Variants in TCFL5 observed in about 807,000 individuals in gnomAD.
TCFL5 encodes the protein transcription factor like 5.
Under a neutral mutation model 44.3 loss-of-function variants are expected in TCFL5, and 9 were observed. That is an observed-to-expected ratio of 0.20 (90% CI 0.12 to 0.35). The LOEUF is 0.35. Among genes scored for constraint, TCFL5 ranks in the 10% least tolerant of loss-of-function variants. The pLI is 1.00. For missense variants in TCFL5, 603 were observed against 613.4 expected (o/e 0.98, Z 0.18); for synonymous variants, 319 against 271.6 (o/e 1.17, Z -1.72).
At chr20:62,846,151 A>C (rs1314410811) in intron 5 of TCFL5, 15 of 1,210,750 alleles carry the variant, frequency 1.2e-5, no homozygotes, top group Non-Finnish European at 1.5e-5. Context: ...TATCCATCTA[A>C]ATTTAAAAGA....
At chr20:62,845,935 C>T (rs1410015208) in intron 5 of TCFL5, 2 of 1,485,302 alleles carry the variant, frequency 1.3e-6, no homozygotes, top group Non-Finnish European at 1.8e-6. Flanking sequence ...GAATCCGAAC[C>T]CTGAACAGCT....
At chr20:62,849,387 A>C (rs968588397) in intron 5 of TCFL5, among the ~76,000 whole-genome samples, 2 of 152,210 alleles carry the variant, frequency 1.3e-5, no homozygotes, top group African/African-American at 4.8e-5. Flanking sequence ...GAGCCATCTA[A>C]ACCCAGAATG....
At chr20:62,847,962 CA>C (rs1191799872) in intron 5 of TCFL5, among the ~76,000 whole-genome samples, 1 of 151,636 alleles carries the variant, frequency 6.6e-6, no homozygotes, top group African/African-American at 2.4e-5. Context: ...GAGGTACAGA[CA>C]AGCGCCGGGC....
chr20:62,858,359 G>A (rs2063928450), intron 3 of TCFL5, among the ~76,000 whole-genome samples: 1 of 151,904 alleles, frequency 6.6e-6, no homozygotes, highest in South Asian at 2.1e-4. Context: ...GCTTTCAGCA[G>A]GAGAGAGAGG....
In TCFL5 at chr20:62,857,488, G is replaced by A; in HGVS notation, c.1145C>T (p.Ser382Leu). 1.2e-6 allele frequency: 2 copies of A among 1,614,192 alleles called. No individual in the cohort carries two copies. The highest frequency in any genetic ancestry group is 1.1e-5 in the South Asian group (1 of 91,082). Residue 382 changes from serine to leucine, a missense_variant, in exon 4 of 6, where the codon TCA becomes TTA. Around this residue, in one of 4 missense-constraint regions of TCFL5, gnomAD observed 540 missense variants for 478.7 expected, o/e 1.13. Transcript: ENST00000335351. ...TQGAWQSSESSQANLGEQAQS... is the reference protein window; with the variant it reads ...TQGAWQSSESLQANLGEQAQS... ...GGCCTGCTCCCCCAGGTTTGCCTGTGAGGACTCCGAGGACTGCCAAGCGCC... is the reference window on the plus strand; with the variant it reads ...GGCCTGCTCCCCCAGGTTTGCCTGTAAGGACTCCGAGGACTGCCAAGCGCC...
At chr20:62,843,030 G>T (rs1454670864) in intron 5 of TCFL5, among the ~76,000 whole-genome samples, 4 of 152,204 alleles carry the variant, frequency 2.6e-5, no homozygotes, top group Non-Finnish European at 5.9e-5. Context: ...CCTCCCGAAG[G>T]AGACTGAGAG....
chr20:62,845,706 T>C, intron 5 of TCFL5: 1 of 1,606,712 alleles, frequency 6.2e-7, no homozygotes, highest in Middle Eastern at 1.7e-4. Context: ...GGACTTCCAA[T>C]ATGACGAGGA....
intron 4 of TCFL5, among the ~76,000 whole-genome samples, chr20:62,854,687 T>TG (rs2063860811): frequency 6.6e-6 from 1 of 152,258 alleles, no homozygotes; most frequent in African/African-American, 2.4e-5. Context: ...TTCTGAAACT[T>TG]GGTCTTTGTA....
In TCFL5 at chr20:62,842,934, C is replaced by G. The variant is rs570405859; in HGVS notation, c.1381-837G>C. Among the ~76,000 whole-genome samples, 156 of 152,244 alleles carry G rather than the reference C, an allele frequency of 1.0e-3. No individual in the cohort carries two copies. The highest frequency in any genetic ancestry group is 1.9e-3 in the Non-Finnish European group (127 of 68,006). Reference sequence around the variant, plus strand: ...TCTGTCCTTGGGGAGACCCTGCCAGCAGGGTGGGGGTGGGCTGAGCTTGCT... The same window carrying G: ...TCTGTCCTTGGGGAGACCCTGCCAGGAGGGTGGGGGTGGGCTGAGCTTGCT... On this transcript the variant is annotated intron_variant, in intron 5 of 5. Coordinates refer to ENST00000335351, the MANE Select transcript of TCFL5 (RefSeq NM_006602.4). This position sits in a 1 kb window ranked among gnomAD's most constrained non-coding sequence, Gnocchi z 4.3.
chr20:62,850,294 G>T (rs547967916), intron 5 of TCFL5, among the ~76,000 whole-genome samples: 75 of 152,220 alleles, frequency 4.9e-4, no homozygotes, highest in African/African-American at 1.6e-3. Context: ...ACGAACAGAA[G>T]TGAATCACTG....
intron 1 of TCFL5, 77 bp from the exon 2 acceptor site, chr20:62,860,385 C>G (rs935920514): frequency 2.1e-6 from 3 of 1,402,798 alleles, no homozygotes; most frequent in Non-Finnish European, 2.9e-6. Context: ...TCCCATGGCT[C>G]TGGCTAGTTT....
chr20:62,854,036 G>A lies in TCFL5; in HGVS notation c.1360C>T (p.His454Tyr), dbSNP rs1330892996. The change falls in exon 5 of 6, where the codon CAT becomes TAT. Residue 454 changes from histidine (H) to tyrosine (Y), a missense_variant. His to Tyr is a moderately conservative substitution (Grantham distance 83). This residue lies in a region of TCFL5 where 41 missense variants were observed against 61.4 expected (regional missense o/e 0.67). Transcript: ENST00000335351. Reference sequence around the variant, plus strand: ...CTAACCTTTTTAAGAGAATCTCCATGTCTTTCCTGGATGTATTTCAGGAAT... The same window carrying A: ...CTAACCTTTTTAAGAGAATCTCCATATCTTTCCTGGATGTATTTCAGGAAT... ...TAFLKYIQERHGDSLKKEFES... is the reference protein window; with the variant it reads ...TAFLKYIQERYGDSLKKEFES... 6.2e-7 allele frequency: 1 copy of A among 1,613,896 alleles called. No homozygotes were observed. The highest frequency in any genetic ancestry group is 8.5e-7 in the Non-Finnish European group (1 of 1,180,012).
chr20:62,851,883 C>T (rs1270292498), intron 5 of TCFL5: 1 of 942,008 alleles, frequency 1.1e-6, no homozygotes, highest in East Asian at 1.2e-4. Flanking sequence ...TATCTTGGCT[C>T]ATTGCAACCT....
Position 62,854,038 on chromosome 20 carries a change from C to A in TCFL5, c.1358G>T (p.Arg453Ile). The A allele has an allele frequency of 6.2e-7, 1 of 1,614,082 alleles. No individual in the cohort carries two copies. Among genetic ancestry groups the A allele is most frequent in the Non-Finnish European group, 8.5e-7 (1 of 1,180,026 alleles). Residue 453 changes from arginine (R) to isoleucine (I), a missense_variant, in exon 5 of 6, where the codon AGA (arginine) becomes ATA (isoleucine). Around this residue, in one of 4 missense-constraint regions of TCFL5, gnomAD observed 41 missense variants for 61.4 expected, o/e 0.67. Transcript: ENST00000335351. ...TTAFLKYIQE[R>I]HGDSLKKEFE... ...AACCTTTTTAAGAGAATCTCCATGT[C>A]TTTCCTGGATGTATTTCAGGAATGC... is the stretch of plus-strand genomic sequence containing the variant.
Position 62,841,887 on chromosome 20 carries a change from AG to A in TCFL5, c.*87del. On this transcript the variant is annotated 3_prime_UTR_variant, in exon 6 of 6. Transcript: ENST00000335351. ...AGTCACGCCCTTTTCGAGTCAGACT[AG>A]CCGAGCAGAGCTCCAGGGTTGCAGA... 1 of 1,550,392 alleles carries A rather than the reference AG, an allele frequency of 6.4e-7. No individual in the cohort carries two copies. Among genetic ancestry groups the A allele is most frequent in the Non-Finnish European group, 8.7e-7 (1 of 1,145,344 alleles).
intron 5 of TCFL5, among the ~76,000 whole-genome samples, chr20:62,850,849 C>T (rs1381200010): frequency 2.6e-5 from 4 of 152,238 alleles, no homozygotes; most frequent in South Asian, 2.1e-4. Flanking sequence ...CTTGGTTGGG[C>T]GCCTCCCTCG....
In TCFL5 at chr20:62,861,374, C is replaced by T; in HGVS notation, c.297G>A (p.Gln99=). The T allele has an allele frequency of 9.3e-7, 1 of 1,072,282 alleles. No homozygotes were observed. Among genetic ancestry groups the T allele is most frequent in the Non-Finnish European group, 1.1e-6 (1 of 890,124 alleles). 66.4% of individuals were successfully genotyped at this position (1,072,282 alleles called of 1,614,324 possible). The part of the protein sequence containing the change: ...AGAGGFAAGG[Q]GGAAPVYPVL... ...CGGGGTACACGGGCGCCGCGCCCCC[C>T]TGACCGCCCGCCGCGAAGCCGCCCG... The change falls in exon 1 of 6, where the codon CAG becomes CAA. Residue 99 remains glutamine, a synonymous_variant. Coordinates refer to ENST00000335351, the MANE Select transcript of TCFL5 (RefSeq NM_006602.4). This position sits in a 1 kb window ranked among gnomAD's most constrained non-coding sequence, Gnocchi z 4.0.
intron 5 of TCFL5, among the ~76,000 whole-genome samples, chr20:62,849,281 A>T (rs6010764): frequency 0.035 from 5,319 of 152,220 alleles, 328 homozygotes; most frequent in African/African-American, 0.12. Context: ...AATGGAGCAA[A>T]CCCGGACAGG....
chr20:62,860,905 C>T, intron 1 of TCFL5, 119 bp downstream of exon 1: 1 of 846,836 alleles, frequency 1.2e-6, no homozygotes, highest in Non-Finnish European at 1.4e-6. Context: ...CGCCCTGTGC[C>T]GCCGGGAGGG....
Sources: allele counts gnomAD v4.1 joint callset (sites outside exome capture counted in the v4.1 genomes callset), GRCh38; gene constraint gnomAD v4.1.1; regional missense constraint gnomAD v4.1.1; non-coding constraint Gnocchi (gnomAD v3.1); transcripts MANE v1.5; gene names NCBI Gene and HGNC (gene_info 2026-07-23, HGNC 2026-07-21).